Variants in CPNE9 observed in about 807,000 individuals in gnomAD.
The protein encoded by CPNE9 is copine family member 9.
A neutral mutation model predicts 83.0 loss-of-function variants in CPNE9; 59 were observed. That is an observed-to-expected ratio of 0.71 (90% confidence interval 0.58 to 0.88). CPNE9 has a LOEUF of 0.88. CPNE9 is among the 40% of genes least tolerant of loss of function. CPNE9 has a pLI of 0.00. For missense variants in CPNE9, 619 were observed against 720.8 expected (o/e 0.86, Z 1.62); for synonymous variants, 256 against 273.4 (o/e 0.94, Z 0.63).
intron 17 of CPNE9, among the ~76,000 whole-genome samples, chr3:9,725,708 G>GTA (rs202177218): frequency 9.1e-6 from 1 of 109,748 alleles, no homozygotes; most frequent in African/African-American, 2.7e-5. Context: ...GTATATATGT[G>GTA]TATATATGTG....
At chr3:9,718,400 G>T in intron 16 of CPNE9, 75 bp from the exon 17 acceptor site, 16 of 1,548,610 alleles carry the variant, frequency 1.0e-5, no homozygotes, top group Non-Finnish European at 1.4e-5. Flanking sequence ...GAAAAAGGAA[G>T]GAGTGAGCTG....
chr3:9,716,065 A>C, intron 14 of CPNE9, 30 bp downstream of exon 14: 1 of 1,590,446 alleles, frequency 6.3e-7, no homozygotes, highest in East Asian at 2.2e-5. Context: ...CTGGGCTGAA[A>C]GCCCGGCAAT....
At position 9,705,458 on chromosome 3, in the gene CPNE9, T is replaced by G; in HGVS notation, c.261-6T>G. The G allele has an allele frequency of 6.5e-7, 1 of 1,547,692 alleles. No homozygotes were observed. Among genetic ancestry groups the G allele is most frequent in the Non-Finnish European group, 8.8e-7 (1 of 1,141,022 alleles). ...CCACCCCACACCGGTTCCACTCTTT[T>G]CCCAGGTACAACGTGGACTCCAAAA... On this transcript the variant is annotated splice_region_variant and splice_polypyrimidine_tract_variant and intron_variant, in intron 4 of 20. Coordinates refer to ENST00000383832, the MANE Select transcript of CPNE9 (RefSeq NM_153635.3).
At chr3:9,728,889 C>T (rs1429981794) in intron 20 of CPNE9, among the ~76,000 whole-genome samples, 1 of 152,078 alleles carries the variant, frequency 6.6e-6, no homozygotes, top group African/African-American at 2.4e-5. Context: ...TCTCAGGATC[C>T]CTTCTCTCTG....
intron 7 of CPNE9, among the ~76,000 whole-genome samples, chr3:9,709,989 C>CAAAA (rs542047036): frequency 3.5e-5 from 2 of 57,248 alleles, no homozygotes; most frequent in African/African-American, 1.4e-4. Flanking sequence ...GACTCCATCT[C>CAAAA]AAAAAAAAAA....
chr3:9,718,406 A>G (rs2076704501), intron 16 of CPNE9, 69 bp from the exon 17 acceptor site: 1 of 1,549,698 alleles, frequency 6.5e-7, no homozygotes, highest in African/African-American at 1.4e-5. Context: ...GGAAGGAGTG[A>G]GCTGGAATCA....
At chr3:9,727,277 C>T (rs2076793095) in intron 20 of CPNE9, 91 bp downstream of exon 20, 1 of 1,336,862 alleles carries the variant, frequency 7.5e-7, no homozygotes, top group African/African-American at 1.4e-5. Context: ...CCTTCTCAGT[C>T]TCCTACTTTT....
At chr3:9,715,429 C>T (rs751300409) in intron 12 of CPNE9, 44 bp from the exon 13 acceptor site, 8 of 1,612,026 alleles carry the variant, frequency 5.0e-6, no homozygotes, top group Non-Finnish European at 5.9e-6. Context: ...GTCTGGACCT[C>T]CCTTCCTTTG....
At chr3:9,720,651 C>A (rs1559643665) in intron 17 of CPNE9, among the ~76,000 whole-genome samples, 1 of 152,122 alleles carries the variant, frequency 6.6e-6, no homozygotes, top group East Asian at 1.9e-4. Context: ...TAATTATAGT[C>A]AAATTATTAT....
At chr3:9,721,304 G>C (rs2076731886) in intron 17 of CPNE9, among the ~76,000 whole-genome samples, 1 of 152,226 alleles carries the variant, frequency 6.6e-6, no homozygotes, top group Admixed American at 6.5e-5. Context: ...GAATCTGGGG[G>C]CATAGCTGAA....
At position 9,704,633 on chromosome 3, in the gene CPNE9, C is replaced by A; in HGVS notation, c.109+6C>A. ...CTTCTCCAAGTCCGACCCCAGTAGG[C>A]GGCTCCAGGACCGGGAGGGGGAACT... On this transcript the variant is annotated splice_donor_region_variant and intron_variant, in intron 2 of 20. Transcript: ENST00000383832. The surrounding 1 kb of genome is among the most constrained non-coding windows in gnomAD (Gnocchi z 7.1). 2 of 1,613,714 alleles carry A rather than the reference C, an allele frequency of 1.2e-6. No individual in the cohort carries two copies. Among genetic ancestry groups the A allele is most frequent in the South Asian group, 1.1e-5 (1 of 91,076 alleles).
At chr3:9,725,728 A>G (rs951642650) in intron 17 of CPNE9, among the ~76,000 whole-genome samples, 1 of 125,888 alleles carries the variant, frequency 7.9e-6, no homozygotes, top group Non-Finnish European at 1.8e-5. Context: ...GTATATGTAT[A>G]TATTTCATAT....
In CPNE9 at chr3:9,712,756, AGCTGGACAAGAAG is replaced by A; in HGVS notation, c.475_487del (p.Leu159ThrfsTer30). 1.2e-6 allele frequency: 2 copies of A among 1,614,182 alleles called. No homozygotes were observed. The highest frequency in any genetic ancestry group is 1.7e-6 in the Non-Finnish European group (2 of 1,180,032). ...GCCACCATGCAGCTGTGTGCAAACA[AGCTGGACAAGAAG>A]GACTTCTTTGGGAAATCAGACCCCT... On this transcript the variant is annotated frameshift_variant, in exon 9 of 21. Transcript: ENST00000383832. LOFTEE classifies it high-confidence loss of function.
chr3:9,726,079 G>A (rs772983487), intron 18 of CPNE9, 28 bp downstream of exon 18: 1 of 1,450,018 alleles, frequency 6.9e-7, no homozygotes, highest in South Asian at 1.2e-5. Flanking sequence ...GGCTTGGCAG[G>A]GAGGAGTAAT....
Position 9,729,741 on chromosome 3 carries a change from T to C in CPNE9, c.*49T>C. 1 of 1,552,816 alleles carries C rather than the reference T, an allele frequency of 6.4e-7. No homozygotes were observed. The stretch of plus-strand genomic sequence containing the variant: ...ACAGTCTGCAAGCCTGCTCACCCAC[T>C]GCTTCTGCTTTAAGCCAGAGGCACC... On this transcript the variant is annotated 3_prime_UTR_variant, in exon 21 of 21. Transcript: ENST00000383832.
Position 9,718,613 on chromosome 3 carries a change from T to G in CPNE9, c.1241+11T>G. The G allele has an allele frequency of 6.2e-7, 1 of 1,608,292 alleles. No individual in the cohort carries two copies. The highest frequency in any genetic ancestry group is 1.1e-5 in the South Asian group (1 of 90,990). ...CAACCAAGTGGCCAGGTAAGGGAAC[T>G]GGGTGGAAGCTGGGGGAAATGAGGG... On this transcript the variant is annotated intron_variant, in intron 17 of 20. Transcript: ENST00000383832.
At position 9,725,682 on chromosome 3, in the gene CPNE9, A is replaced by ATGTATATATATGTGTATATATG. The variant is rs55757225; in HGVS notation, c.1242-266_1242-265insGTATATATATGTGTATATATGT. Among the ~76,000 whole-genome samples, 25 of 123,024 alleles carry ATGTATATATATGTGTATATATG rather than the reference A, an allele frequency of 2.0e-4. 1 individual carries two copies. Among genetic ancestry groups the ATGTATATATATGTGTATATATG allele is most frequent in the East Asian group, 1.3e-3 (6 of 4,748 alleles). The allele number at this position is 123,024 out of a possible 152,430, so 80.7% of individuals were successfully genotyped here. A position where few individuals can be genotyped will look rare whatever the true frequency, so the allele number is the denominator to read the frequency against. On this transcript the variant is annotated intron_variant, in intron 17 of 20. Transcript: ENST00000383832. ...TATATATGTATATATATGTGTATAT[A>ATGTATATATATGTGTATATATG]TATATACATATATGTGTATATATGT...
At chr3:9,708,565 C>T (rs868476308) in intron 7 of CPNE9, among the ~76,000 whole-genome samples, 6 of 151,910 alleles carry the variant, frequency 3.9e-5, no homozygotes, top group South Asian at 4.1e-4. Context: ...GATGAAAATC[C>T]CTGTTGACTC....
At chr3:9,727,713 G>A (rs1009779872) in intron 20 of CPNE9, among the ~76,000 whole-genome samples, 1 of 152,164 alleles carries the variant, frequency 6.6e-6, no homozygotes, top group African/African-American at 2.4e-5. Flanking sequence ...AAATTTGGGG[G>A]TATGTTAGAA....
Sources: allele counts gnomAD v4.1 joint callset (sites outside exome capture counted in the v4.1 genomes callset), GRCh38; gene constraint gnomAD v4.1.1; non-coding constraint Gnocchi (gnomAD v3.1); transcripts MANE v1.5; gene names NCBI Gene and HGNC (gene_info 2026-07-23, HGNC 2026-07-21).